The following MROH1 variants were observed in gnomAD, a reference collection of about 807,000 sequenced individuals.
MROH1 encodes the protein maestro heat-like repeat-containing protein family member 1.
In MROH1, 117 loss-of-function variants were observed where a neutral mutation model predicts 116.5. The observed-to-expected ratio is 1.00, with a 90% CI of 0.86 to 1.17. The LOEUF (loss-of-function observed/expected upper bound fraction) is 1.17. Ranked by LOEUF, MROH1 falls within the 50% of genes most tolerant of loss-of-function variation. The pLI, the probability that MROH1 is intolerant of heterozygous loss-of-function variation, is 0.00. For synonymous variants in MROH1, 921 were observed against 583.9 expected (o/e 1.58, Z -8.32); for missense variants, 1,873 against 1,338.5 (o/e 1.40, Z -6.23).
At chr8:144,179,873 G>A (rs1825108552) in intron 5 of MROH1, among the ~76,000 whole-genome samples, 1 of 152,156 alleles carries the variant, frequency 6.6e-6, no homozygotes, top group Non-Finnish European at 1.5e-5. Context: ...CATTGGGGTT[G>A]GTGCAGGGCT....
chr8:144,214,863 G>C (rs1834917437), intron 12 of MROH1, among the ~76,000 whole-genome samples: 1 of 152,220 alleles, frequency 6.6e-6, no homozygotes, highest in African/African-American at 2.4e-5. Flanking sequence ...TAGGTGGTCT[G>C]CAAGCTGAGG....
chr8:144,217,973 C>T (rs191992453), intron 12 of MROH1, among the ~76,000 whole-genome samples: 54 of 147,166 alleles, frequency 3.7e-4, no homozygotes, highest in African/African-American at 1.1e-3. Flanking sequence ...GCTGCGTTAG[C>T]GGCCCAGGAT....
chr8:144,261,120 C>T lies in MROH1; in HGVS notation c.4678C>T (p.His1560Tyr). ...LNTTCKHLMH[H>Y]FPDLLGRLLT... is the part of the protein sequence containing the mutation. ...TGACCAGGCCTCTCCCCAGATGCAC[C>T]ATTTCCCAGACCTGCTGGGCCGTCT... The change falls in exon 42 of 44, where the codon CAT becomes TAT. Residue 1560 changes from histidine to tyrosine, a missense_variant. Coordinates refer to ENST00000326134, the MANE Select transcript of MROH1 (RefSeq NM_032450.3). The T allele has an allele frequency of 1.3e-6, 1 of 775,088 alleles. No homozygotes were observed. The highest frequency in any genetic ancestry group is 2.4e-5 in the East Asian group (1 of 41,238). The allele number at this position is 775,088 out of a possible 1,614,324, so 48.0% of individuals were successfully genotyped here. A position where few individuals can be genotyped will look rare whatever the true frequency, so the allele number is the denominator to read the frequency against.
chr8:144,239,856 G>A (rs1840669429), intron 18 of MROH1, 101 bp downstream of exon 18: 1 of 693,144 alleles, frequency 1.4e-6, no homozygotes, highest in Non-Finnish European at 2.7e-6. Flanking sequence ...AGTGGCACTA[G>A]GGTGGCCAAT....
chr8:144,169,186 G>A (rs1012300976), intron 4 of MROH1, among the ~76,000 whole-genome samples: 2 of 152,214 alleles, frequency 1.3e-5, no homozygotes, highest in South Asian at 4.1e-4. Context: ...GGGCTGTTCT[G>A]GGAAGGGGAA....
chr8:144,254,781 G>T, intron 33 of MROH1, 32 bp from the exon 34 acceptor site: 1 of 752,594 alleles, frequency 1.3e-6, no homozygotes, highest in South Asian at 1.4e-5. Context: ...GACCAGCCAC[G>T]GCCTCAAAGT....
At chr8:144,200,612 G>A in intron 12 of MROH1, 71 bp downstream of exon 12, 3 of 1,072,642 alleles carry the variant, frequency 2.8e-6, no homozygotes, top group South Asian at 2.7e-5. Flanking sequence ...CTGGCAGATT[G>A]TGTCCCTCTA....
Position 144,236,570 on chromosome 8 carries a change from A to G in MROH1, c.1339-2186A>G, listed in dbSNP as rs1203702525. Reference sequence around the variant, plus strand: ...AGCCTGGCCAACATGGTGAAACCCCATCTCTACTAAAAATACAAAAAATTT... The same window carrying G: ...AGCCTGGCCAACATGGTGAAACCCCGTCTCTACTAAAAATACAAAAAATTT... On this transcript the variant is annotated intron_variant, in intron 14 of 43. Coordinates refer to ENST00000326134, the MANE Select transcript of MROH1 (RefSeq NM_032450.3). Among the ~76,000 whole-genome samples, 3 of 151,874 alleles carry G rather than the reference A, an allele frequency of 2.0e-5. No individual in the cohort carries two copies. The South Asian group carries it at 6.3e-4, about 32-fold the overall frequency.
chr8:144,185,965 G>A (rs1213510544), intron 7 of MROH1, among the ~76,000 whole-genome samples: 3 of 151,934 alleles, frequency 2.0e-5, no homozygotes, highest in African/African-American at 7.3e-5. Context: ...CGAGGGGACC[G>A]CGTGCCCAGT....
At chr8:144,244,730 C>T (rs1841593647) in intron 28 of MROH1, among the ~76,000 whole-genome samples, 191 bp downstream of exon 28, 1 of 152,210 alleles carries the variant, frequency 6.6e-6, no homozygotes, top group Non-Finnish European at 1.5e-5. Flanking sequence ...AGGCCCTGAC[C>T]CAGGTGGGAC....
At chr8:144,187,018 A>C (rs1827361951) in intron 7 of MROH1, among the ~76,000 whole-genome samples, 1 of 151,996 alleles carries the variant, frequency 6.6e-6, no homozygotes, top group Non-Finnish European at 1.5e-5. Context: ...GAATTGCTTG[A>C]ACCTGGGAGT....
intron 2 of MROH1, among the ~76,000 whole-genome samples, chr8:144,162,084 CT>C (rs1179685748): frequency 0.027 from 3,682 of 136,072 alleles, 120 homozygotes; most frequent in African/African-American, 0.085. Flanking sequence ...TTTTTCTTTT[CT>C]TTTTTTTTTT....
At chr8:144,245,107 C>G (rs1006643722) in intron 28 of MROH1, 49 bp from the exon 29 acceptor site, 1 of 778,156 alleles carries the variant, frequency 1.3e-6, no homozygotes. Context: ...GGCTCCTGCC[C>G]CCAGGGCTGC....
At chr8:144,245,389 G>A in intron 29 of MROH1, 129 bp downstream of exon 29, 1 of 667,220 alleles carries the variant, frequency 1.5e-6, no homozygotes, top group South Asian at 1.6e-5. Flanking sequence ...TTGAGACCTG[G>A]ATTGAGGGCC....
chr8:144,239,979 G>C, intron 18 of MROH1, 122 bp from the exon 19 acceptor site: 3 of 711,368 alleles, frequency 4.2e-6, no homozygotes, highest in South Asian at 1.5e-5. Context: ...GGGAGCAGGT[G>C]GGGGGCAGCG....
At chr8:144,177,440 A>G (rs976117052) in intron 4 of MROH1, among the ~76,000 whole-genome samples, 1 of 152,098 alleles carries the variant, frequency 6.6e-6, no homozygotes, top group Admixed American at 6.5e-5. Flanking sequence ...CCTTCCTACT[A>G]TTGTTTCTCC....
chr8:144,239,999 G>C (rs2132877034), intron 18 of MROH1, 102 bp from the exon 19 acceptor site: 1 of 719,620 alleles, frequency 1.4e-6, no homozygotes, highest in South Asian at 1.5e-5. Context: ...GGGGCGGCGG[G>C]GCCTGTCTGT....
intron 7 of MROH1, among the ~76,000 whole-genome samples, chr8:144,190,404 C>T (rs1448953095): frequency 6.6e-6 from 1 of 152,112 alleles, no homozygotes; most frequent in African/African-American, 2.4e-5. Flanking sequence ...CCTGTAGTTC[C>T]AGCTAGTCAG....
rs111779166 is a variant in MROH1, at chr8:144,227,820, G to A, written c.1338+4590G>A. On this transcript the variant is annotated intron_variant, in intron 14 of 43. Transcript: ENST00000326134. ...AAAAAAAAATTAGCTGGGCCTGACG[G>A]CTCATGCCTCAGGTCCCAGCCACTC... 9.6e-3 allele frequency among the ~76,000 whole-genome samples: 1,460 copies of A among 152,208 alleles called. 17 individuals are homozygous for A. Among genetic ancestry groups the A allele is most frequent in the African/African-American group, 0.031 (1,290 of 41,526 alleles).
Sources: gnomAD v4.1 joint callset for allele counts (sites outside exome capture counted in the v4.1 genomes callset) on GRCh38, gnomAD v4.1.1 for gene constraint, MANE v1.5 for transcripts, NCBI Gene and HGNC (gene_info 2026-07-23, HGNC 2026-07-21) for gene names.